Variants in SEPTIN9 observed in about 807,000 individuals in gnomAD.
SEPTIN9 encodes septin 9.
In SEPTIN9, 13 loss-of-function variants were observed where a neutral mutation model predicts 56.6. The ratio of observed to expected loss-of-function variants is 0.23; its 90% CI spans 0.15 to 0.37. The LOEUF is 0.37. SEPTIN9 is among the 10% of genes least tolerant of loss of function. The pLI is 1.00. For synonymous variants in SEPTIN9, 332 were observed against 334.1 expected (o/e 0.99, Z 0.07); for missense variants, 650 against 823.1 (o/e 0.79, Z 2.57).
Position 77,319,802 on chromosome 17 carries a change from C to T in SEPTIN9, c.76+12605C>T. The T allele has an allele frequency of 9.3e-7, 1 of 1,075,564 alleles. No individual in the cohort carries two copies. The highest frequency in any genetic ancestry group is 1.1e-6 in the Non-Finnish European group (1 of 884,742). The allele number at this position is 1,075,564 out of a possible 1,614,324, so 66.6% of individuals were successfully genotyped here. A position where few individuals can be genotyped will look rare whatever the true frequency, so the allele number is the denominator to read the frequency against. ...TTTGGAAGTCGTCAGGAATTTGACTCTGTGAGTTGGTTTCCAAGAGTCTAA... is the reference window on the plus strand; with the variant it reads ...TTTGGAAGTCGTCAGGAATTTGACTTTGTGAGTTGGTTTCCAAGAGTCTAA... On this transcript the variant is annotated intron_variant, in intron 2 of 11. Coordinates refer to ENST00000427177, the MANE Select transcript of SEPTIN9 (RefSeq NM_001113491.2). This position sits in a 1 kb window ranked among gnomAD's most constrained non-coding sequence, Gnocchi z 5.3.
At chr17:77,479,423 C>T (rs570897038) in intron 3 of SEPTIN9, among the ~76,000 whole-genome samples, 1 of 152,332 alleles carries the variant, frequency 6.6e-6, no homozygotes, top group Admixed American at 6.5e-5. Context: ...TTGCATTGCT[C>T]TCTGCGTGCG....
At chr17:77,415,627 CA>C (rs772446190) in intron 3 of SEPTIN9, among the ~76,000 whole-genome samples, 4,128 of 63,146 alleles carry the variant, frequency 0.065, 158 homozygotes, top group East Asian at 0.25. Flanking sequence ...GACTATGTCT[CA>C]AAAAAAAAAA....
rs143762237 is a variant in SEPTIN9, at chr17:77,305,676, T to C, written c.20-1465T>C. On this transcript the variant is annotated intron_variant, in intron 1 of 11. Transcript: ENST00000427177. ...GAGATGGGTACCCTGTCAATACTAG[T>C]TCCGCGAAGGATACACTGTGCTCAT... 5.6e-4 allele frequency among the ~76,000 whole-genome samples: 85 copies of C among 151,822 alleles called. 1 individual carries two copies. In the East Asian group the frequency reaches 7.6e-3, roughly 14 times the overall value.
Position 77,425,029 on chromosome 17 carries a change from G to A in SEPTIN9, c.721+22326G>A, listed in dbSNP as rs1218801865. 2.0e-5 allele frequency among the ~76,000 whole-genome samples: 3 copies of A among 152,224 alleles called. No individual in the cohort carries two copies. Among genetic ancestry groups the A allele is most frequent in the African/African-American group, 7.2e-5 (3 of 41,456 alleles). ...CTTACGCATAGTTGGGCGAAGTCGA[G>A]TGACCACATGTGGAAGTCTAGCGTC... On this transcript the variant is annotated intron_variant, in intron 3 of 11. Transcript: ENST00000427177. The surrounding 1 kb of genome is among the most constrained non-coding windows in gnomAD (Gnocchi z 4.2).
At chr17:77,491,001 T>A in intron 8 of SEPTIN9, 142 bp downstream of exon 8, 1 of 696,856 alleles carries the variant, frequency 1.4e-6, no homozygotes, top group Non-Finnish European at 2.5e-6. Flanking sequence ...GTGGCTGGCC[T>A]GGTGGTCCCT....
chr17:77,420,031 G>A (rs762350028), intron 3 of SEPTIN9, among the ~76,000 whole-genome samples: 2 of 152,138 alleles, frequency 1.3e-5, no homozygotes, highest in Non-Finnish European at 2.9e-5. Flanking sequence ...TCTGTCCCCT[G>A]AACTGGAGCT....
chr17:77,288,582 A>T (rs985688594), intron 1 of SEPTIN9, among the ~76,000 whole-genome samples: 2 of 152,206 alleles, frequency 1.3e-5, no homozygotes, highest in Admixed American at 6.5e-5. Flanking sequence ...CTTCCCATGA[A>T]CTATGGCTCC....
chr17:77,460,521 C>T (rs1370742726), intron 3 of SEPTIN9, among the ~76,000 whole-genome samples: 1 of 152,196 alleles, frequency 6.6e-6, no homozygotes, highest in Non-Finnish European at 1.5e-5. Flanking sequence ...TTCTCATCCC[C>T]CAAGGCTCCT....
intron 2 of SEPTIN9, among the ~76,000 whole-genome samples, chr17:77,358,542 G>A (rs1003029730): frequency 6.6e-6 from 1 of 152,110 alleles, no homozygotes; most frequent in Non-Finnish European, 1.5e-5. Context: ...CAGCTACTGA[G>A]GCACGAGAAT....
At chr17:77,324,226 A>C (rs2033049133) in intron 2 of SEPTIN9, among the ~76,000 whole-genome samples, 1 of 152,180 alleles carries the variant, frequency 6.6e-6, no homozygotes, top group African/African-American at 2.4e-5. Flanking sequence ...GTCCCATCTC[A>C]AGATCCTTAA....
intron 1 of SEPTIN9, among the ~76,000 whole-genome samples, chr17:77,283,902 C>A (rs145777663): frequency 1.3e-5 from 2 of 152,112 alleles, no homozygotes; most frequent in Admixed American, 6.6e-5. Flanking sequence ...ACATTCTCAC[C>A]GGGAGTCAGG....
At position 77,319,742 on chromosome 17, in the gene SEPTIN9, A is replaced by G; in HGVS notation, c.76+12545A>G. On this transcript the variant is annotated intron_variant, in intron 2 of 11. Coordinates refer to ENST00000427177, the MANE Select transcript of SEPTIN9 (RefSeq NM_001113491.2). The surrounding 1 kb of genome is among the most constrained non-coding windows in gnomAD (Gnocchi z 5.3). ...CTTTTTAAACCCTTAAGCCCAAGGA[A>G]ATCGTAGCATCGCGGGACAGGGAAA... The G allele has an allele frequency of 9.3e-7, 1 of 1,071,228 alleles. No homozygotes were observed. The highest frequency in any genetic ancestry group is 1.6e-5 in the African/African-American group (1 of 61,196). 66.4% of individuals were successfully genotyped at this position (1,071,228 alleles called of 1,614,324 possible).
chr17:77,482,524 G>A (rs776807272), intron 4 of SEPTIN9, 189 bp downstream of exon 4: 33 of 727,190 alleles, frequency 4.5e-5, no homozygotes, highest in South Asian at 2.9e-4. Context: ...AGCCTCCAGC[G>A]GCTCCTCAGA....
intron 3 of SEPTIN9, among the ~76,000 whole-genome samples, chr17:77,465,640 G>A (rs926201707): frequency 2.0e-5 from 3 of 152,164 alleles, no homozygotes; most frequent in Non-Finnish European, 4.4e-5. Context: ...GGGTGGGGAC[G>A]CAGAGTGACC....
intron 3 of SEPTIN9, among the ~76,000 whole-genome samples, chr17:77,438,415 C>T (rs1254591235): frequency 6.6e-6 from 1 of 152,196 alleles, no homozygotes; most frequent in East Asian, 1.9e-4. Context: ...CAGAGTTGAG[C>T]ACATCCTAAT....
intron 2 of SEPTIN9, chr17:77,320,300 C>G: frequency 6.2e-7 from 1 of 1,612,484 alleles, no homozygotes. Context: ...GCCGGGACTC[C>G]CGCCGCTGCT....
At chr17:77,420,395 C>T (rs550013644) in intron 3 of SEPTIN9, among the ~76,000 whole-genome samples, 4 of 152,322 alleles carry the variant, frequency 2.6e-5, no homozygotes, top group South Asian at 2.1e-4. Context: ...TACTGGGCTG[C>T]GTCATGTCCT....
At chr17:77,297,534 G>C (rs935440404) in intron 1 of SEPTIN9, among the ~76,000 whole-genome samples, 1 of 152,174 alleles carries the variant, frequency 6.6e-6, no homozygotes, top group Non-Finnish European at 1.5e-5. Flanking sequence ...CCACCACACA[G>C]GCTCAGAAGA....
chr17:77,288,055 G>C (rs2031355635), intron 1 of SEPTIN9: 2 of 1,062,784 alleles, frequency 1.9e-6, no homozygotes, highest in South Asian at 4.6e-5. Context: ...CCCCAGAAGT[G>C]CTGGGTTAGG....
Sources: gnomAD v4.1 joint callset for allele counts (sites outside exome capture counted in the v4.1 genomes callset) on GRCh38, gnomAD v4.1.1 for gene constraint, Gnocchi (gnomAD v3.1) non-coding constraint, MANE v1.5 for transcripts, NCBI Gene and HGNC (gene_info 2026-07-23, HGNC 2026-07-21) for gene names.